Variants in SRPRB observed in about 807,000 individuals in gnomAD.
SRPRB encodes the protein SRP receptor subunit beta.
Under a neutral mutation model 31.9 loss-of-function variants are expected in SRPRB, and 20 were observed. The ratio of observed to expected loss-of-function variants is 0.63; its 90% CI spans 0.44 to 0.91. SRPRB has a LOEUF of 0.91. SRPRB is among the 40% of genes least tolerant of loss of function. The pLI is 0.00. For synonymous variants in SRPRB, 146 were observed against 132.8 expected, an observed-to-expected ratio of 1.10 and a Z score of -0.68; for missense variants, 321 against 324.9, an observed-to-expected ratio of 0.99 and a Z score of 0.09.
chr3:133,792,463 C>A (rs4580550), intron 1 of SRPRB: 112,073 of 152,122 alleles, frequency 0.74, 41,588 homozygotes, highest in African/African-American at 0.81. Flanking sequence ...CTTTACAGCT[C>A]GGTAAGGCCT....
intron 1 of SRPRB, chr3:133,787,957 G>C (rs1934728698): frequency 6.6e-6 from 1 of 152,176 alleles, no homozygotes; most frequent in Admixed American, 6.5e-5. Context: ...TCAACCCTAA[G>C]TGACACATGG....
chr3:133,821,303 CCT>C lies in SRPRB; in HGVS notation c.*1538_*1539del, dbSNP rs1247466071. 6.6e-6 allele frequency: 1 copy of C among 152,206 alleles called. No homozygotes were observed. Among genetic ancestry groups the C allele is most frequent in the African/African-American group, 2.4e-5 (1 of 41,458 alleles). The allele number at this position is 152,206 out of a possible 1,614,324, so 9.4% of individuals were successfully genotyped here. A position where few individuals can be genotyped will look rare whatever the true frequency, so the allele number is the denominator to read the frequency against. ...AATGGAGGAGTTGTGAGACCCTGAC[CCT>C]GAGTCCTTACTTGAAAGCTGCTGCT... is the stretch of plus-strand genomic sequence containing the variant. On this transcript the variant is annotated 3_prime_UTR_variant, in exon 7 of 7. Coordinates refer to ENST00000678299, the MANE Select transcript of SRPRB (RefSeq NM_001379313.1).
chr3:133,784,539 T>G (rs1934608935), intron 1 of SRPRB: 1 of 151,848 alleles, frequency 6.6e-6, no homozygotes. Context: ...GATGACTTTT[T>G]GCAATGAAGT....
At chr3:133,793,384 A>T (rs1316500828) in intron 1 of SRPRB, 1 of 152,074 alleles carries the variant, frequency 6.6e-6, no homozygotes, top group East Asian at 1.9e-4. Context: ...CAGCTTCAAA[A>T]TTGTCTTTTC....
upstream of SRPRB, among the ~76,000 whole-genome samples, chr3:133,803,151 T>C (rs924840434): frequency 6.6e-6 from 1 of 152,228 alleles, no homozygotes; most frequent in Non-Finnish European, 1.5e-5. Flanking sequence ...TTTGCCTAAA[T>C]GCTCTCAGCT....
chr3:133,794,675 T>C (rs1194563466), intron 1 of SRPRB: 1 of 151,886 alleles, frequency 6.6e-6, no homozygotes, highest in Non-Finnish European at 1.5e-5. Context: ...CTGAGAAGAG[T>C]CCCTCCACAC....
chr3:133,823,169 T>C (rs1230480391), downstream of SRPRB, among the ~76,000 whole-genome samples: 1 of 152,232 alleles, frequency 6.6e-6, no homozygotes, highest in Non-Finnish European at 1.5e-5. Context: ...ACTGCCACTT[T>C]TCCACTGGCC....
downstream of SRPRB, chr3:133,824,349 A>AGAT (rs1194220202): frequency 1.3e-5 from 2 of 152,206 alleles, no homozygotes; most frequent in South Asian, 4.1e-4. Flanking sequence ...AGCCCATAAC[A>AGAT]GATGGAATTG....
Position 133,819,634 on chromosome 3 carries a change from A to G in SRPRB, c.684A>G (p.Lys228=). The change falls in exon 7 of 7, where the codon AAA becomes AAG. Residue 228 remains lysine (K), a synonymous_variant. Transcript: ENST00000678299. The part of the protein sequence containing the change: ...SSTAPAQLGK[K]GKEFEFSQLP... ...CTGCCCCTGCTCAGCTGGGGAAGAA[A>G]GGCAAAGAGTTTGAATTCTCACAGT... The G allele has an allele frequency of 6.2e-7, 1 of 1,614,180 alleles. No homozygotes were observed. The highest frequency in any genetic ancestry group is 1.3e-5 in the African/African-American group (1 of 75,042).
downstream of SRPRB, chr3:133,824,851 C>A (rs1483494906): frequency 1.3e-5 from 2 of 152,138 alleles, no homozygotes; most frequent in African/African-American, 2.4e-5. Flanking sequence ...TATGGAGTCA[C>A]ATTTGTTCAC....
chr3:133,818,809 T>TGTGG, intron 6 of SRPRB, among the ~76,000 whole-genome samples: 1 of 151,756 alleles, frequency 6.6e-6, no homozygotes, highest in Non-Finnish European at 1.5e-5. Flanking sequence ...TGTGTGTGTG[T>TGTGG]GTGTGTGTGT....
At chr3:133,794,226 C>G (rs1183331227) in intron 1 of SRPRB, 1 of 152,096 alleles carries the variant, frequency 6.6e-6, no homozygotes, top group Non-Finnish European at 1.5e-5. Flanking sequence ...TTACATGACT[C>G]GTCACGGAAA....
At chr3:133,823,387 A>G (rs896909978), downstream of SRPRB, among the ~76,000 whole-genome samples, 1 of 152,052 alleles carries the variant, frequency 6.6e-6, no homozygotes, top group African/African-American at 2.4e-5. Flanking sequence ...AGCCTCCCCA[A>G]GTAGCTGGGA....
At chr3:133,822,200 G>A (rs115922945), downstream of SRPRB, among the ~76,000 whole-genome samples, 547 of 152,208 alleles carry the variant, frequency 3.6e-3, 3 homozygotes, top group African/African-American at 0.012. Flanking sequence ...ACATAGATGA[G>A]ACTTTTGAGC....
downstream of SRPRB, among the ~76,000 whole-genome samples, chr3:133,822,247 C>T (rs147438486): frequency 0.016 from 2,457 of 152,142 alleles, 28 homozygotes; most frequent in Non-Finnish European, 0.027. Context: ...GTATGGACAC[C>T]GAGACCTCCT....
At chr3:133,828,060 C>G (rs1057071238), downstream of SRPRB, 2 of 695,144 alleles carry the variant, frequency 2.9e-6, no homozygotes, top group Admixed American at 2.0e-5. Flanking sequence ...GTACCCTCAA[C>G]CCCCTTCAAG....
chr3:133,811,188 G>A lies in SRPRB; in HGVS notation c.399G>A (p.Lys133=), dbSNP rs758583601. The A allele has an allele frequency of 6.2e-7, 1 of 1,614,160 alleles. No homozygotes were observed. Among genetic ancestry groups the A allele is most frequent in the Non-Finnish European group, 8.5e-7 (1 of 1,180,010 alleles). The change falls in exon 4 of 7, where the codon AAG becomes AAA. Residue 133 remains lysine (K), a synonymous_variant. Coordinates refer to ENST00000678299, the MANE Select transcript of SRPRB (RefSeq NM_001379313.1). ...GGCTTCAGTTCTTAGAGCGGTTTAA[G>A]TCTTCAGCCAGGTAAGAAGGAAAGA... The part of the protein sequence containing the change: ...SLRLQFLERF[K]SSARAIVFVV...
chr3:133,819,881 T>G lies in SRPRB; in HGVS notation c.*115T>G. 2 of 1,003,938 alleles carry G rather than the reference T, an allele frequency of 2.0e-6. No individual in the cohort carries two copies. Among genetic ancestry groups the G allele is most frequent in the Non-Finnish European group, 2.9e-6 (2 of 687,428 alleles). The allele number at this position is 1,003,938 out of a possible 1,614,324, so 62.2% of individuals were successfully genotyped here. ...CAAGATGTGGTTAGAAACATTTCTT[T>G]GTTCTGGAAACAAAGTACTGTTGAA... On this transcript the variant is annotated 3_prime_UTR_variant, in exon 7 of 7. Transcript: ENST00000678299.
intron 4 of SRPRB, among the ~76,000 whole-genome samples, chr3:133,814,633 T>C (rs1935334832): frequency 6.6e-6 from 1 of 151,678 alleles, no homozygotes; most frequent in Non-Finnish European, 1.5e-5. Flanking sequence ...GAGATTGGGT[T>C]TCATCATGTT....
Sources: allele counts gnomAD v4.1 joint callset (sites outside exome capture counted in the v4.1 genomes callset), GRCh38; gene constraint gnomAD v4.1.1; transcripts MANE v1.5; gene names NCBI Gene and HGNC (gene_info 2026-07-23, HGNC 2026-07-21).